SPHKAP: variants seen among roughly 807,000 people sequenced by gnomAD.
The protein encoded by SPHKAP is A-kinase anchor protein SPHKAP.
A neutral mutation model predicts 137.5 loss-of-function variants in SPHKAP; 67 were observed. The ratio of observed to expected loss-of-function variants is 0.49; its 90% CI spans 0.40 to 0.60. The LOEUF (loss-of-function observed/expected upper bound fraction) is 0.60, where lower values mean the gene tolerates loss of function less well. Ranked by LOEUF, SPHKAP falls within the 20% of genes least tolerant of loss-of-function variation. The probability of loss-of-function intolerance (pLI) is 0.00; values close to 1 mark genes in which losing one functional copy is unlikely to be tolerated. For synonymous variants in SPHKAP, 813 were observed against 785.3 expected (o/e 1.04, Z -0.59); for missense variants, 2,097 against 2,069.3 (o/e 1.01, Z -0.26).
At chr2:228,022,605 C>T (rs374091778) in intron 5 of SPHKAP, among the ~76,000 whole-genome samples, 1 of 152,140 alleles carries the variant, frequency 6.6e-6, no homozygotes, top group Non-Finnish European at 1.5e-5. Context: ...GGGTATAAAG[C>T]TGGCAAGAGG....
chr2:228,057,503 G>A (rs1696486855), intron 3 of SPHKAP, among the ~76,000 whole-genome samples: 1 of 152,162 alleles, frequency 6.6e-6, no homozygotes, highest in African/African-American at 2.4e-5. Context: ...TTCAGGGGGT[G>A]TGTGCCAGAG....
At chr2:228,059,033 C>T (rs1696545494) in intron 3 of SPHKAP, among the ~76,000 whole-genome samples, 1 of 152,190 alleles carries the variant, frequency 6.6e-6, no homozygotes, top group Non-Finnish European at 1.5e-5. Flanking sequence ...CATATAAGTG[C>T]GATTGTACGG....
intron 11 of SPHKAP, among the ~76,000 whole-genome samples, chr2:227,990,726 CCAA>C (rs1182638005): frequency 3.9e-5 from 6 of 152,024 alleles, no homozygotes; most frequent in Non-Finnish European, 8.8e-5. Flanking sequence ...CAAGAAAACA[CCAA>C]AAAAATAACA....
At chr2:227,995,799 G>A in intron 7 of SPHKAP, 105 bp from the exon 8 acceptor site, 2 of 1,349,840 alleles carry the variant, frequency 1.5e-6, no homozygotes, top group Non-Finnish European at 2.0e-6. Flanking sequence ...GATGTCACTG[G>A]ACACAGGCAG....
intron 1 of SPHKAP, among the ~76,000 whole-genome samples, chr2:228,180,646 C>G (rs2106440125): frequency 6.6e-6 from 1 of 152,316 alleles, no homozygotes; most frequent in Admixed American, 6.5e-5. Flanking sequence ...TCCCTGGGAG[C>G]AACAGCATCC....
chr2:228,171,759 AG>A (rs1329662498), intron 1 of SPHKAP, among the ~76,000 whole-genome samples: 1 of 152,168 alleles, frequency 6.6e-6, no homozygotes, highest in Non-Finnish European at 1.5e-5. Context: ...TAAGGAAGGC[AG>A]GAACTGGGTC....
chr2:227,981,932 C>T (rs577380107), intron 11 of SPHKAP, 72 bp from the exon 12 acceptor site: 13 of 1,520,754 alleles, frequency 8.5e-6, no homozygotes, highest in Middle Eastern at 1.8e-4. Context: ...CAACCACCCT[C>T]GCGAAGCCAA....
intron 9 of SPHKAP, 150 bp from the exon 10 acceptor site, chr2:227,991,476 C>T (rs1693413221): frequency 3.3e-6 from 5 of 1,495,088 alleles, no homozygotes; most frequent in African/African-American, 2.8e-5. Flanking sequence ...GCTGGGAAAA[C>T]ACCAATGTGG....
At chr2:228,042,605 T>C (rs894897664) in intron 3 of SPHKAP, among the ~76,000 whole-genome samples, 8 of 152,132 alleles carry the variant, frequency 5.3e-5, no homozygotes, top group African/African-American at 1.7e-4. Flanking sequence ...GAATAATATG[T>C]AGTTTTTTGG....
At chr2:228,179,125 T>C (rs920490919) in intron 1 of SPHKAP, among the ~76,000 whole-genome samples, 8 of 152,192 alleles carry the variant, frequency 5.3e-5, no homozygotes, top group Admixed American at 1.3e-4. Context: ...TTAAATCATT[T>C]TGTTTTCTCT....
chr2:228,150,669 T>C (rs1699903167), intron 1 of SPHKAP, among the ~76,000 whole-genome samples: 1 of 151,996 alleles, frequency 6.6e-6, no homozygotes, highest in Non-Finnish European at 1.5e-5. Flanking sequence ...CTACCCCTCT[T>C]TTAAAATTAA....
In SPHKAP at chr2:227,995,698, T is replaced by A. The variant is rs373550865; in HGVS notation, c.4449-4A>T. On this transcript the variant is annotated splice_polypyrimidine_tract_variant and splice_region_variant and intron_variant, in intron 7 of 11. Coordinates refer to ENST00000392056, the MANE Select transcript of SPHKAP (RefSeq NM_001142644.2). ...ATCTCTGGTATCAAGGCTGTCACTGTAGAGGGCAAGATATTATTACCAAGA... is the reference window on the plus strand; with the variant it reads ...ATCTCTGGTATCAAGGCTGTCACTGAAGAGGGCAAGATATTATTACCAAGA... 4 of 1,581,204 alleles carry A rather than the reference T, an allele frequency of 2.5e-6. No homozygotes were observed. In the African/African-American group the frequency reaches 4.1e-5, roughly 16 times the overall value.
chr2:228,036,633 C>G (rs1695611781), intron 3 of SPHKAP, among the ~76,000 whole-genome samples: 1 of 151,904 alleles, frequency 6.6e-6, no homozygotes, highest in African/African-American at 2.4e-5. Flanking sequence ...GGAACCAACC[C>G]AAATGTCCAA....
intron 1 of SPHKAP, among the ~76,000 whole-genome samples, chr2:228,168,065 A>G (rs1198532008): frequency 6.6e-6 from 1 of 152,128 alleles, no homozygotes; most frequent in African/African-American, 2.4e-5. Flanking sequence ...TTAGCATTCT[A>G]TCTTATTATA....
chr2:228,126,526 T>C (rs1343018670), intron 2 of SPHKAP, among the ~76,000 whole-genome samples: 1 of 152,152 alleles, frequency 6.6e-6, no homozygotes, highest in African/African-American at 2.4e-5. Context: ...CTAACCTTCC[T>C]AGCTCTTAAA....
chr2:227,997,628 A>G (rs1011396459), intron 7 of SPHKAP, among the ~76,000 whole-genome samples: 6 of 151,918 alleles, frequency 3.9e-5, no homozygotes, highest in African/African-American at 1.4e-4. Context: ...GCTTCTCACT[A>G]CCCCTCAAGC....
At position 228,132,501 on chromosome 2, in the gene SPHKAP, T is replaced by G. The variant is rs533426346; in HGVS notation, c.33-416A>C. ...TTTTTAAAATGGAGGTAAAATATAA[T>G]TTTAATCTGGACTCAGAATAGTACC... On this transcript the variant is annotated intron_variant, in intron 1 of 11. Transcript: ENST00000392056. The G allele has an allele frequency of 1.9e-5, 16 of 837,442 alleles. No individual in the cohort carries two copies. In the South Asian group the frequency reaches 8.3e-4, roughly 43 times the overall value. 51.9% of individuals were successfully genotyped at this position (837,442 alleles called of 1,614,324 possible).
At chr2:228,048,736 A>AGGCT (rs1696153827) in intron 3 of SPHKAP, among the ~76,000 whole-genome samples, 2 of 152,266 alleles carry the variant, frequency 1.3e-5, no homozygotes, top group Admixed American at 1.3e-4. Context: ...GGTGTGTAGT[A>AGGCT]GGCTATGAGG....
At chr2:228,168,262 G>A (rs1028335619) in intron 1 of SPHKAP, among the ~76,000 whole-genome samples, 1 of 152,012 alleles carries the variant, frequency 6.6e-6, no homozygotes, top group African/African-American at 2.4e-5. Context: ...TTGCTCTATA[G>A]ACTAATTGAT....
Sources: allele counts gnomAD v4.1 joint callset (sites outside exome capture counted in the v4.1 genomes callset), GRCh38; gene constraint gnomAD v4.1.1; transcripts MANE v1.5; gene names NCBI Gene and HGNC (gene_info 2026-07-23, HGNC 2026-07-21).